Variants in TMEM263 observed in about 807,000 individuals in gnomAD.
TMEM263 encodes the protein UPF0444 transmembrane protein C12orf23.
Under a neutral mutation model 8.6 loss-of-function variants are expected in TMEM263, and 5 were observed. The observed-to-expected ratio is 0.58, with a 90% CI of 0.31 to 1.23. The LOEUF (loss-of-function observed/expected upper bound fraction) is 1.23. Among genes scored for constraint, TMEM263 ranks in the 50% most tolerant of loss-of-function variants. TMEM263 has a pLI of 0.07. For missense variants in TMEM263, 104 were observed against 138.8 expected (o/e 0.75, Z 1.26); for synonymous variants, 50 against 47.9 (o/e 1.04, Z -0.18).
intron 2 of TMEM263, among the ~76,000 whole-genome samples, chr12:106,957,389 G>A (rs1951714075): frequency 6.6e-6 from 1 of 151,698 alleles, no homozygotes; most frequent in South Asian, 2.1e-4. Flanking sequence ...AGAAAGCATC[G>A]TTAGAAATTA....
At position 106,967,021 on chromosome 12, in the gene TMEM263, A is replaced by G. The variant is rs899835647; in HGVS notation, c.-6-90A>G. ...GTACAAAATGTTGTTTATCTGAATAATGTTGATGAAATCGCAATTTAGCAT... is the reference window on the plus strand; with the variant it reads ...GTACAAAATGTTGTTTATCTGAATAGTGTTGATGAAATCGCAATTTAGCAT... On this transcript the variant is annotated intron_variant, in intron 2 of 3. Coordinates refer to ENST00000280756, the MANE Select transcript of TMEM263 (RefSeq NM_152261.4). The G allele has an allele frequency of 2.0e-5, 16 of 795,624 alleles. No individual in the cohort carries two copies. The African/African-American group carries it at 2.5e-4, about 12-fold the overall frequency. The allele number at this position is 795,624 out of a possible 1,614,324, so 49.3% of individuals were successfully genotyped here.
intron 2 of TMEM263, among the ~76,000 whole-genome samples, chr12:106,960,902 G>A (rs3803122): frequency 0.19 from 29,479 of 152,094 alleles, 5,137 homozygotes; most frequent in African/African-American, 0.46. Flanking sequence ...TGGAAAGCAT[G>A]TCTCTAGCTT....
rs1006739461 is a variant in TMEM263 at position 106,965,934 on chromosome 12, A to T, written c.-6-1177A>T. On this transcript the variant is annotated intron_variant, in intron 2 of 3. Coordinates refer to ENST00000280756, the MANE Select transcript of TMEM263 (RefSeq NM_152261.4). ...GTGGTGTCATCATTACAAGAGAGGG[A>T]TGTCTTTTTTTTAAGGACTTTCTCA... is the stretch of plus-strand genomic sequence containing the variant. Among the ~76,000 whole-genome samples, 10 of 152,146 alleles carry T rather than the reference A, an allele frequency of 6.6e-5. No individual in the cohort carries two copies. The East Asian group carries it at 1.9e-3, about 29-fold the overall frequency.
At chr12:106,956,370 G>A (rs538323089) in intron 1 of TMEM263, among the ~76,000 whole-genome samples, 13 of 152,328 alleles carry the variant, frequency 8.5e-5, no homozygotes, top group African/African-American at 3.1e-4. Flanking sequence ...GTTGGGGGCG[G>A]AGGAGGAAGG....
At position 106,955,916 on chromosome 12, in the gene TMEM263, C is replaced by T. The variant is rs913862182; in HGVS notation, c.-224C>T. 6.6e-5 allele frequency: 65 copies of T among 985,710 alleles called. 3 individuals carry two copies. The South Asian group carries it at 2.4e-3, about 36-fold the overall frequency. 61.1% of individuals were successfully genotyped at this position (985,710 alleles called of 1,614,324 possible). ...CTCCACCACCGCCGCCACAGTCTTC[C>T]AGCTCCACATCCTGAGAGGACGCCT... On this transcript the variant is annotated 5_prime_UTR_variant, in exon 1 of 4. Coordinates refer to ENST00000280756, the MANE Select transcript of TMEM263 (RefSeq NM_152261.4).
At chr12:106,961,224 ATTTTTTTTTTTTTTTTTTTTTTT>A (rs554707654) in intron 2 of TMEM263, among the ~76,000 whole-genome samples, 1 of 75,116 alleles carries the variant, frequency 1.3e-5, no homozygotes, top group Non-Finnish European at 2.5e-5. Flanking sequence ...TGCCCAGTCA[ATTTTTTTTTTTTTTTTTTTTTTT>A]TTTTTTTTTT....
chr12:106,966,961 GGAGA>G, intron 2 of TMEM263, 146 bp from the exon 3 acceptor site: 1 of 594,222 alleles, frequency 1.7e-6, no homozygotes, highest in South Asian at 2.0e-5. Flanking sequence ...GTTTGAAGTA[GGAGA>G]GAAACAAGAT....
At chr12:106,961,242 TTTTTTTTTTTTTTTTTTTG>T (rs1951774060) in intron 2 of TMEM263, among the ~76,000 whole-genome samples, 1 of 76,064 alleles carries the variant, frequency 1.3e-5, no homozygotes, top group Admixed American at 2.0e-4. Flanking sequence ...TTTTTTTTTT[TTTTTTTTTTTTTTTTTTTG>T]TGGAGACGGA....
chr12:106,971,466 C>T lies in TMEM263; in HGVS notation c.*75C>T. ...GAATTGCTAAATTATGGACTACAAC[C>T]AAGTCAACTGTTTTGGACGTTTATC... On this transcript the variant is annotated 3_prime_UTR_variant, in exon 4 of 4. Coordinates refer to ENST00000280756, the MANE Select transcript of TMEM263 (RefSeq NM_152261.4). 7.0e-7 allele frequency: 1 copy of T among 1,425,642 alleles called. No individual in the cohort carries two copies. Among genetic ancestry groups the T allele is most frequent in the East Asian group, 2.3e-5 (1 of 43,092 alleles). 88.3% of individuals were successfully genotyped at this position (1,425,642 alleles called of 1,614,324 possible).
intron 2 of TMEM263, 155 bp from the exon 3 acceptor site, chr12:106,966,956 A>C: frequency 3.4e-6 from 2 of 588,364 alleles, no homozygotes; most frequent in Admixed American, 7.3e-5. Flanking sequence ...CCGCAGTTTG[A>C]AGTAGGAGAG....
chr12:106,963,447 G>C (rs1251049478), intron 2 of TMEM263, among the ~76,000 whole-genome samples: 2 of 152,086 alleles, frequency 1.3e-5, no homozygotes, highest in Admixed American at 1.3e-4. Context: ...ATAATTAGAT[G>C]GGAATGTAAA....
Position 106,967,151 on chromosome 12 carries a change from C to T in TMEM263, c.35C>T (p.Pro12Leu). 6.3e-7 allele frequency: 1 copy of T among 1,599,448 alleles called. No individual in the cohort carries two copies. The highest frequency in any genetic ancestry group is 1.1e-5 in the South Asian group (1 of 88,190). Residue 12 changes from proline (P) to leucine (L), a missense_variant, in exon 3 of 4, where the codon CCA (proline) becomes CTA (leucine). By Grantham distance (98) the Pro-to-Leu change is moderately conservative (BLOSUM62 -3). Transcript: ENST00000280756. ...NQTDKNQQEIPSYLNDEPPEG... is the reference protein window; with the variant it reads ...NQTDKNQQEILSYLNDEPPEG... The stretch of plus-strand genomic sequence containing the variant: ...ACAGATAAAAATCAACAAGAAATCC[C>T]ATCATACCTTAATGATGAACCACCA...
At chr12:106,966,013 G>A (rs1951841964) in intron 2 of TMEM263, among the ~76,000 whole-genome samples, 5 of 152,110 alleles carry the variant, frequency 3.3e-5, no homozygotes, top group Admixed American at 3.3e-4. Flanking sequence ...AGGGTCAGGA[G>A]TACATGTGCA....
At position 106,973,829 on chromosome 12, in the gene TMEM263, T is replaced by C. The variant is rs574052428; in HGVS notation, c.*2438T>C. On this transcript the variant is annotated 3_prime_UTR_variant, in exon 4 of 4. Transcript: ENST00000280756. The stretch of plus-strand genomic sequence containing the variant: ...ATTTGGCACAATGAGGATAAACTTA[T>C]GTGACCCACTTGAATGGCTGATCTA... The C allele has an allele frequency of 6.5e-6, 1 of 152,780 alleles. No homozygotes were observed. The highest frequency in any genetic ancestry group is 6.5e-5 in the Admixed American group (1 of 15,300). The allele number at this position is 152,780 out of a possible 1,614,324, so 9.5% of individuals were successfully genotyped here.
At chr12:106,966,784 A>AC (rs1290757620) in intron 2 of TMEM263, among the ~76,000 whole-genome samples, 2 of 152,138 alleles carry the variant, frequency 1.3e-5, no homozygotes, top group Non-Finnish European at 2.9e-5. Flanking sequence ...TTGTCGGCTA[A>AC]CCCCCACCTT....
chr12:106,967,750 G>A (rs1044945845), intron 3 of TMEM263, among the ~76,000 whole-genome samples: 3 of 152,166 alleles, frequency 2.0e-5, no homozygotes, highest in African/African-American at 7.2e-5. Context: ...AGAAGTATAA[G>A]TATCCTTTCA....
chr12:106,971,564 A>C lies in TMEM263; in HGVS notation c.*173A>C. 1.8e-6 allele frequency: 1 copy of C among 557,474 alleles called. No homozygotes were observed. Among genetic ancestry groups the C allele is most frequent in the Non-Finnish European group, 2.9e-6 (1 of 345,066 alleles). 34.5% of individuals were successfully genotyped at this position (557,474 alleles called of 1,614,324 possible). The stretch of plus-strand genomic sequence containing the variant: ...AAGAAGAGACCAATACGAGCACAGT[A>C]TATGAAGGTTTCTCATACTTAAGTT... On this transcript the variant is annotated 3_prime_UTR_variant, in exon 4 of 4. Coordinates refer to ENST00000280756, the MANE Select transcript of TMEM263 (RefSeq NM_152261.4).
At chr12:106,961,224 A>ATTTTTTTTTTTTT (rs554707654) in intron 2 of TMEM263, among the ~76,000 whole-genome samples, 1 of 75,130 alleles carries the variant, frequency 1.3e-5, no homozygotes. Flanking sequence ...TGCCCAGTCA[A>ATTTTTTTTTTTTT]TTTTTTTTTT....
intron 3 of TMEM263, among the ~76,000 whole-genome samples, 153 bp from the exon 4 acceptor site, chr12:106,970,952 G>A (rs1276914796): frequency 6.6e-6 from 1 of 152,182 alleles, no homozygotes; most frequent in Non-Finnish European, 1.5e-5. Flanking sequence ...TACCCTGAAG[G>A]AAGAGCTCTT....
Sources: allele counts gnomAD v4.1 joint callset (sites outside exome capture counted in the v4.1 genomes callset), GRCh38; gene constraint gnomAD v4.1.1; transcripts MANE v1.5; gene names NCBI Gene and HGNC (gene_info 2026-07-23, HGNC 2026-07-21).